Variants in ADAM10 observed in about 807,000 individuals in gnomAD.
ADAM10 encodes the protein disintegrin and metalloproteinase domain-containing protein 10.
A neutral mutation model predicts 90.1 loss-of-function variants in ADAM10; 17 were observed. That is an observed-to-expected ratio of 0.19 (90% CI 0.13 to 0.28). The LOEUF is 0.28. Ranked by LOEUF, ADAM10 falls within the 10% of genes least tolerant of loss-of-function variation. ADAM10 has a pLI of 1.00. For synonymous variants in ADAM10, 310 were observed against 298.6 expected (o/e 1.04, Z -0.40); for missense variants, 610 against 914.3 (o/e 0.67, Z 4.29).
intron 5 of ADAM10, among the ~76,000 whole-genome samples, chr15:58,650,908 A>G (rs1490732906): frequency 6.6e-6 from 1 of 152,088 alleles, no homozygotes; most frequent in African/African-American, 2.4e-5. Flanking sequence ...ATTTTATACA[A>G]AGTTTATAAC....
chr15:58,749,365 G>A, intron 1 of ADAM10, 115 bp downstream of exon 1: 1 of 1,198,978 alleles, frequency 8.3e-7, no homozygotes, highest in Non-Finnish European at 1.0e-6. Context: ...GAGTGGCGCC[G>A]CTGGCCGGCT....
chr15:58,610,110 T>C (rs893089380), intron 14 of ADAM10, 187 bp downstream of exon 14: 2 of 650,158 alleles, frequency 3.1e-6, no homozygotes, highest in Non-Finnish European at 5.4e-6. Context: ...CTATGAATGA[T>C]ACACATGATT....
intron 2 of ADAM10, among the ~76,000 whole-genome samples, chr15:58,688,666 G>C (rs1207479855): frequency 1.3e-5 from 2 of 149,788 alleles, no homozygotes; most frequent in Admixed American, 1.3e-4. Flanking sequence ...AAAGAGGGGA[G>C]GGAAGGGGAG....
intron 10 of ADAM10, 134 bp from the exon 11 acceptor site, chr15:58,621,755 T>C: frequency 2.6e-6 from 3 of 1,150,860 alleles, no homozygotes; most frequent in Non-Finnish European, 3.8e-6. Context: ...AAACTAGGAA[T>C]CTGGAAATTA....
intron 5 of ADAM10, among the ~76,000 whole-genome samples, chr15:58,660,607 T>C (rs1034506250): frequency 6.6e-6 from 1 of 152,246 alleles, no homozygotes; most frequent in African/African-American, 2.4e-5. Flanking sequence ...ATCAATATGG[T>C]TAGATTTAAA....
intron 11 of ADAM10, among the ~76,000 whole-genome samples, chr15:58,618,588 T>C (rs1895688486): frequency 6.6e-6 from 1 of 152,140 alleles, no homozygotes; most frequent in East Asian, 1.9e-4. Context: ...ATCTGCTGAA[T>C]GGGAGAAAAC....
intron 8 of ADAM10, among the ~76,000 whole-genome samples, chr15:58,638,856 C>A (rs1896342088): frequency 6.6e-6 from 1 of 152,072 alleles, no homozygotes; most frequent in African/African-American, 2.4e-5. Context: ...CTCCTCAAAA[C>A]TGTCAGGGGA....
chr15:58,714,632 A>T (rs1449978036), intron 2 of ADAM10, among the ~76,000 whole-genome samples: 1 of 152,190 alleles, frequency 6.6e-6, no homozygotes, highest in Non-Finnish European at 1.5e-5. Flanking sequence ...GCTACAAGTA[A>T]CTCTAACTCA....
chr15:58,628,474 T>C (rs989224795), intron 9 of ADAM10, among the ~76,000 whole-genome samples: 3 of 152,166 alleles, frequency 2.0e-5, no homozygotes, highest in Admixed American at 6.6e-5. Flanking sequence ...AAAATACTGC[T>C]TTGCCAAATA....
At chr15:58,643,401 A>C (rs1347512752) in intron 7 of ADAM10, among the ~76,000 whole-genome samples, 4 of 152,102 alleles carry the variant, frequency 2.6e-5, no homozygotes, top group African/African-American at 9.7e-5. Flanking sequence ...TGTTACTGTG[A>C]GTTGTGAATT....
intron 4 of ADAM10, among the ~76,000 whole-genome samples, chr15:58,676,922 A>G (rs1273025534): frequency 1.3e-5 from 2 of 152,226 alleles, no homozygotes; most frequent in African/African-American, 4.8e-5. Flanking sequence ...AGAGCTGAGT[A>G]GCTGCAATAA....
intron 9 of ADAM10, 115 bp from the exon 10 acceptor site, chr15:58,627,998 T>A: frequency 9.7e-7 from 1 of 1,028,530 alleles, no homozygotes. Context: ...GACTCTCCTT[T>A]AAAAAGGATC....
In ADAM10 at chr15:58,679,168, C is replaced by A; in HGVS notation, c.440G>T (p.Arg147Leu). 1 of 1,613,874 alleles carries A rather than the reference C, an allele frequency of 6.2e-7. No homozygotes were observed. The change falls in exon 4 of 16, where the codon CGA becomes CTA. Residue 147 changes from arginine to leucine, a missense_variant. Physicochemically the swap from Arg to Leu is moderately radical, Grantham distance 102. Coordinates refer to ENST00000260408, the MANE Select transcript of ADAM10 (RefSeq NM_001110.4). ...AATGACAGAGTGAAATGGCAGAGTT[C>A]GGTCTTTAATATATCTCTCTGCTGG... The part of the protein sequence containing the change: ...VEPAERYIKD[R>L]TLPFHSVIYH...
At chr15:58,637,456 T>A (rs1452248329) in intron 8 of ADAM10, among the ~76,000 whole-genome samples, 1 of 152,180 alleles carries the variant, frequency 6.6e-6, no homozygotes, top group African/African-American at 2.4e-5. Flanking sequence ...TTCCTGAATT[T>A]ACAGACAGAA....
intron 1 of ADAM10, among the ~76,000 whole-genome samples, chr15:58,729,806 T>C (rs1043322803): frequency 5.3e-5 from 8 of 151,406 alleles, no homozygotes; most frequent in African/African-American, 1.9e-4. Context: ...CTAGTAAAAA[T>C]ACAAAATTAG....
At chr15:58,744,834 A>C (rs1192495004) in intron 1 of ADAM10, among the ~76,000 whole-genome samples, 2 of 152,160 alleles carry the variant, frequency 1.3e-5, no homozygotes, top group Non-Finnish European at 2.9e-5. Context: ...ACCTAGTGAG[A>C]CCTCATCTCT....
In ADAM10 at chr15:58,675,636, T is replaced by C. The variant is rs537491108; in HGVS notation, c.484+3488A>G. 3.3e-5 allele frequency among the ~76,000 whole-genome samples: 5 copies of C among 152,312 alleles called. No homozygotes were observed. In the South Asian group the frequency reaches 1.0e-3, roughly 32 times the overall value. The stretch of plus-strand genomic sequence containing the variant: ...AAGTACAGAATTAAATAAGTATGCA[T>C]TTTAAGCTGATAACAATATATATTT... On this transcript the variant is annotated intron_variant, in intron 4 of 15. Coordinates refer to ENST00000260408, the MANE Select transcript of ADAM10 (RefSeq NM_001110.4).
rs147205451 is a variant in ADAM10 at position 58,637,185 on chromosome 15, C to T, written c.1012+3592G>A. On this transcript the variant is annotated intron_variant, in intron 8 of 15. Coordinates refer to ENST00000260408, the MANE Select transcript of ADAM10 (RefSeq NM_001110.4). ...TTTAATATGTAATATCAAACTAAAA[C>T]ATCTAATCTAAAGAAAACAGAAGAG... Among the ~76,000 whole-genome samples the T allele has an allele frequency of 1.5e-3, 229 of 152,286 alleles. 1 individual carries two copies. The highest frequency in any genetic ancestry group is 2.6e-3 in the Non-Finnish European group (176 of 68,020).
At chr15:58,737,225 A>C (rs1899458979) in intron 1 of ADAM10, among the ~76,000 whole-genome samples, 1 of 152,188 alleles carries the variant, frequency 6.6e-6, no homozygotes, top group African/African-American at 2.4e-5. Flanking sequence ...CTTACTACCC[A>C]GAAAATTGGT....
Sources: allele counts gnomAD v4.1 joint callset (sites outside exome capture counted in the v4.1 genomes callset), GRCh38; gene constraint gnomAD v4.1.1; transcripts MANE v1.5; gene names NCBI Gene and HGNC (gene_info 2026-07-23, HGNC 2026-07-21).